Variants in PRDM10 observed in about 807,000 individuals in gnomAD.
The protein encoded by PRDM10 is PR/SET domain 10.
A neutral mutation model predicts 133.1 loss-of-function variants in PRDM10; 65 were observed. That is an observed-to-expected ratio of 0.49 (90% CI 0.40 to 0.60). The LOEUF (loss-of-function observed/expected upper bound fraction) is 0.60. Among genes scored for constraint, PRDM10 ranks in the 20% least tolerant of loss-of-function variants. The pLI is 0.00. For synonymous variants in PRDM10, 582 were observed against 580.4 expected, an observed-to-expected ratio of 1.00 and a Z score of -0.04; for missense variants, 1,137 against 1,507.1, an observed-to-expected ratio of 0.75 and a Z score of 4.07.
At chr11:129,951,836 G>A (rs546786536) in intron 4 of PRDM10, among the ~76,000 whole-genome samples, 1 of 152,148 alleles carries the variant, frequency 6.6e-6, no homozygotes, top group South Asian at 2.1e-4. Flanking sequence ...CTTAAGGACG[G>A]GGGAATGCAT....
intron 1 of PRDM10, among the ~76,000 whole-genome samples, chr11:130,001,232 A>T (rs539291055): frequency 6.6e-6 from 1 of 152,212 alleles, no homozygotes. Flanking sequence ...AGAACAACAA[A>T]TAAGTACTGC....
chr11:129,908,116 A>G lies in PRDM10; in HGVS notation c.3163+2360T>C, dbSNP rs147531909. On this transcript the variant is annotated intron_variant, in intron 19 of 20. Coordinates refer to ENST00000360871, the MANE Select transcript of PRDM10 (RefSeq NM_199437.2). ...CCTCTCTCTTAAAAAATAAATACAG[A>G]AAAAATTACTGTCATTTCTTCTTAG... Among the ~76,000 whole-genome samples the G allele has an allele frequency of 6.0e-3, 907 of 152,190 alleles. 13 individuals are homozygous for G. Among genetic ancestry groups the G allele is most frequent in the African/African-American group, 0.021 (852 of 41,506 alleles).
chr11:129,917,024 G>C (rs1474402218), intron 15 of PRDM10, 103 bp downstream of exon 15: 1 of 737,504 alleles, frequency 1.4e-6, no homozygotes, highest in Non-Finnish European at 2.1e-6. Context: ...TAACCATCTG[G>C]TAAGAGTAAC....
chr11:129,943,322 G>A lies in PRDM10; in HGVS notation c.763-693C>T, dbSNP rs531534183. Among the ~76,000 whole-genome samples the A allele has an allele frequency of 1.6e-4, 25 of 152,242 alleles. No homozygotes were observed. The East Asian group carries it at 3.3e-3, about 20-fold the overall frequency. The stretch of plus-strand genomic sequence containing the variant: ...AAGTGGTTTTCTTGCAAACATTACT[G>A]GCACACAGCAGATTACATTAAGCCT... On this transcript the variant is annotated intron_variant, in intron 6 of 20. Transcript: ENST00000360871.
chr11:129,931,693 A>T (rs1950871045), intron 10 of PRDM10, among the ~76,000 whole-genome samples: 1 of 151,102 alleles, frequency 6.6e-6, no homozygotes, highest in Non-Finnish European at 1.5e-5. Flanking sequence ...CCGCCTCCCG[A>T]GTAGCTGGGA....
Position 129,910,621 on chromosome 11 carries a change from C to T in PRDM10, c.3018G>A (p.Gln1006=), listed in dbSNP as rs1288568034. The T allele has an allele frequency of 6.2e-7, 1 of 1,605,620 alleles. No individual in the cohort carries two copies. Among genetic ancestry groups the T allele is most frequent in the Non-Finnish European group, 8.5e-7 (1 of 1,174,818 alleles). Residue 1006 remains glutamine, a synonymous_variant, in exon 19 of 21, where the codon CAG becomes CAA. Transcript: ENST00000360871. ...GGGAGGGGCTGAGCCCCTGCTGAGC[C>T]TGCTGGGCTGAGGGACTCAACGGCT... ...SGQPLSPSAQ[Q]AQQGLSPSHI...
At chr11:129,954,467 G>A (rs565672566) in intron 4 of PRDM10, among the ~76,000 whole-genome samples, 5 of 152,022 alleles carry the variant, frequency 3.3e-5, no homozygotes, top group Admixed American at 2.6e-4. Context: ...GTTTCACCAT[G>A]TTGGCCAGGC....
intron 1 of PRDM10, among the ~76,000 whole-genome samples, chr11:129,970,886 G>A (rs373352093): frequency 4.6e-5 from 7 of 152,112 alleles, no homozygotes; most frequent in African/African-American, 1.7e-4. Context: ...AGATTAGGTA[G>A]TCCAAAGTTT....
At chr11:129,921,072 C>T (rs1337698740) in intron 13 of PRDM10, among the ~76,000 whole-genome samples, 1 of 152,204 alleles carries the variant, frequency 6.6e-6, no homozygotes, top group African/African-American at 2.4e-5. Context: ...GCTGGGATTA[C>T]AGGCGTGAGC....
At chr11:129,972,032 G>C (rs1168964247) in intron 1 of PRDM10, among the ~76,000 whole-genome samples, 1 of 152,210 alleles carries the variant, frequency 6.6e-6, no homozygotes, top group Non-Finnish European at 1.5e-5. Context: ...AGTGGGCCGG[G>C]ACCCAGTACA....
At chr11:129,920,497 C>T (rs1950491917) in intron 13 of PRDM10, among the ~76,000 whole-genome samples, 1 of 152,200 alleles carries the variant, frequency 6.6e-6, no homozygotes, top group South Asian at 2.1e-4. Flanking sequence ...TCCACACCCA[C>T]TGCCTCGGCC....
chr11:129,967,386 A>G (rs1951929750), intron 1 of PRDM10, among the ~76,000 whole-genome samples: 1 of 152,138 alleles, frequency 6.6e-6, no homozygotes, highest in South Asian at 2.1e-4. Flanking sequence ...GTGAGACTCC[A>G]TCTCAAAAAA....
rs772855153 is a variant in PRDM10, at chr11:129,918,555, C to T, written c.2198G>A (p.Arg733Gln). The change falls in exon 14 of 21, where the codon CGG becomes CAG. Residue 733 changes from arginine (R) to glutamine (Q), a missense_variant. Physicochemically the swap from Arg to Gln is conservative, Grantham distance 43. This residue lies in a region of PRDM10 where 65 missense variants were observed against 151.1 expected (regional missense o/e 0.43). Transcript: ENST00000360871. The surrounding 1 kb of genome is among the most constrained non-coding windows in gnomAD (Gnocchi z 5.3). Reference protein sequence around the residue: ...FKCRLCMMGFRRRGMLVNHLS... With the variant: ...FKCRLCMMGFQRRGMLVNHLS... ...GGCACTGACCAGCATGCCGCGCCGC[C>T]GGAAGCCCATCATGCACAGGCGGCA... 6.2e-6 allele frequency: 10 copies of T among 1,613,844 alleles called. No homozygotes were observed. The highest frequency in any genetic ancestry group is 1.3e-5 in the African/African-American group (1 of 74,912).
At chr11:129,905,869 TTTCTTGG>T in intron 19 of PRDM10, 128 bp from the exon 20 acceptor site, 1 of 780,274 alleles carries the variant, frequency 1.3e-6, no homozygotes, top group Non-Finnish European at 2.1e-6. Context: ...AATGATGTGA[TTTCTTGG>T]TGCCGTGAAA....
intron 10 of PRDM10, 145 bp downstream of exon 10, chr11:129,931,957 C>T: frequency 9.3e-7 from 1 of 1,075,996 alleles, no homozygotes; most frequent in East Asian, 2.7e-5. Context: ...TGGCATTATC[C>T]AATCATTCTT....
At chr11:129,958,260 C>T (rs150223749) in intron 2 of PRDM10, among the ~76,000 whole-genome samples, 63 of 152,238 alleles carry the variant, frequency 4.1e-4, no homozygotes, top group Non-Finnish European at 7.2e-4. Flanking sequence ...TGAAAAAATA[C>T]GTCAAGACTC....
Position 129,918,668 on chromosome 11 carries a change from C to T in PRDM10, c.2085G>A (p.Arg695=). 1.2e-6 allele frequency: 2 copies of T among 1,614,122 alleles called. No individual in the cohort carries two copies. Among genetic ancestry groups the T allele is most frequent in the Non-Finnish European group, 1.7e-6 (2 of 1,179,990 alleles). The part of the protein sequence containing the change: ...EHMQRMHNPE[R]EAKKADRISR... ...TGATGCGGTCGGCTTTCTTGGCCTC[C>T]CTCTCAGGATTATGCATCCTCTGCA... The change falls in exon 14 of 21, where the codon AGG becomes AGA. Residue 695 remains arginine (R), a synonymous_variant. Coordinates refer to ENST00000360871, the MANE Select transcript of PRDM10 (RefSeq NM_199437.2). This position sits in a 1 kb window ranked among gnomAD's most constrained non-coding sequence, Gnocchi z 5.3.
chr11:129,910,435 C>A, intron 19 of PRDM10, 41 bp downstream of exon 19: 5 of 1,611,186 alleles, frequency 3.1e-6, no homozygotes, highest in Non-Finnish European at 3.4e-6. Flanking sequence ...GCTGGAGATC[C>A]CCCACCCCTG....
intron 20 of PRDM10, among the ~76,000 whole-genome samples, chr11:129,903,747 A>AC (rs1191224310): frequency 4.0e-5 from 6 of 151,816 alleles, no homozygotes; most frequent in African/African-American, 1.5e-4. Context: ...TTCTGAGTTC[A>AC]CCCCCACCAG....
Sources: gnomAD v4.1 joint callset for allele counts (sites outside exome capture counted in the v4.1 genomes callset) on GRCh38, gnomAD v4.1.1 for gene constraint, gnomAD v4.1.1 regional missense constraint, Gnocchi (gnomAD v3.1) non-coding constraint, MANE v1.5 for transcripts, NCBI Gene and HGNC (gene_info 2026-07-23, HGNC 2026-07-21) for gene names.